ELL2: variants seen among roughly 807,000 people sequenced by gnomAD.
ELL2 encodes elongation factor for RNA polymerase II 2.
In ELL2, 21 loss-of-function variants were observed where a neutral mutation model predicts 72.8. The ratio of observed to expected loss-of-function variants is 0.29; its 90% CI spans 0.20 to 0.42. The LOEUF is 0.42. Ranked by LOEUF, ELL2 falls within the 10% of genes least tolerant of loss-of-function variation. The probability of loss-of-function intolerance (pLI) is 1.00; values close to 1 mark genes in which losing one functional copy is unlikely to be tolerated. For missense variants in ELL2, 568 were observed against 772.8 expected, an observed-to-expected ratio of 0.73 and a Z score of 3.14; for synonymous variants, 266 against 283.2, an observed-to-expected ratio of 0.94 and a Z score of 0.61.
chr5:95,931,067 A>C (rs1750581921), intron 2 of ELL2, among the ~76,000 whole-genome samples: 1 of 151,758 alleles, frequency 6.6e-6, no homozygotes, highest in African/African-American at 2.4e-5. Context: ...TTTGAGAAGA[A>C]AGTGAAAACT....
intron 4 of ELL2, among the ~76,000 whole-genome samples, chr5:95,912,211 A>AT (rs1410138158): frequency 6.6e-6 from 1 of 152,192 alleles, no homozygotes; most frequent in Non-Finnish European, 1.5e-5. Flanking sequence ...AACAAACAAA[A>AT]ACACATGAAC....
Position 95,891,083 on chromosome 5 carries a change from C to G in ELL2, c.1761+20G>C. The G allele has an allele frequency of 6.2e-7, 1 of 1,614,058 alleles. No homozygotes were observed. Among genetic ancestry groups the G allele is most frequent in the South Asian group, 1.1e-5 (1 of 91,070 alleles). On this transcript the variant is annotated intron_variant, in intron 10 of 11. Coordinates refer to ENST00000237853, the MANE Select transcript of ELL2 (RefSeq NM_012081.6). ...AGGTAAAATATGAAAGTCAGCCCAT[C>G]TAGTTACAAATCCATTTACCTGATA...
chr5:95,891,159 ATCT>A lies in ELL2; in HGVS notation c.1702_1704del (p.Arg568del), dbSNP rs1748647598. On this transcript the variant is annotated inframe_deletion, in exon 10 of 12. Coordinates refer to ENST00000237853, the MANE Select transcript of ELL2 (RefSeq NM_012081.6). ...TTTCTTTGTGCATCTAGTTTGATAA[ATCT>A]TCTAGCTACAGTCTCCATCCTGGCA... is the stretch of plus-strand genomic sequence containing the variant. 6.2e-7 allele frequency: 1 copy of A among 1,614,036 alleles called. No homozygotes were observed. Among genetic ancestry groups the A allele is most frequent in the Admixed American group, 1.7e-5 (1 of 59,998 alleles).
chr5:95,911,815 G>T (rs1478282455), intron 4 of ELL2, among the ~76,000 whole-genome samples: 3 of 152,166 alleles, frequency 2.0e-5, no homozygotes, highest in Non-Finnish European at 2.9e-5. Context: ...GGCTGAGGAG[G>T]TTAAGAAAAG....
chr5:95,920,930 G>T (rs2112312920), intron 2 of ELL2, among the ~76,000 whole-genome samples: 1 of 152,226 alleles, frequency 6.6e-6, no homozygotes, highest in South Asian at 2.1e-4. Context: ...GCACTAACTT[G>T]CTGCTTAGCG....
At position 95,927,424 on chromosome 5, in the gene ELL2, TACACACACAC is replaced by T. The variant is rs1750354972; in HGVS notation, c.196-7889_196-7880del. On this transcript the variant is annotated intron_variant, in intron 2 of 11. Coordinates refer to ENST00000237853, the MANE Select transcript of ELL2 (RefSeq NM_012081.6). Reference sequence around the variant, plus strand: ...ATACACACACGTGTGTATATAGACATACACACACACGTGTGTATATAGACATACACACACA... The same window carrying T: ...ATACACACACGTGTGTATATAGACATGTGTGTATATAGACATACACACACA... Among the ~76,000 whole-genome samples, 12 of 37,276 alleles carry T rather than the reference TACACACACAC, an allele frequency of 3.2e-4. 1 individual carries two copies. The highest frequency in any genetic ancestry group is 4.5e-4 in the Non-Finnish European group (10 of 22,232). The allele number at this position is 37,276 out of a possible 152,430, so 24.5% of individuals were successfully genotyped here. A position where few individuals can be genotyped will look rare whatever the true frequency, so the allele number is the denominator to read the frequency against.
chr5:95,946,874 G>C (rs1193309567), intron 1 of ELL2, among the ~76,000 whole-genome samples: 2 of 152,140 alleles, frequency 1.3e-5, no homozygotes, highest in Non-Finnish European at 2.9e-5. Flanking sequence ...ATGTTTCAAT[G>C]TCTTCAAAGA....
intron 7 of ELL2, 39 bp from the exon 8 acceptor site, chr5:95,898,849 C>G: frequency 6.9e-7 from 1 of 1,443,668 alleles, no homozygotes; most frequent in Non-Finnish European, 9.2e-7. Flanking sequence ...CCAGTTTGCA[C>G]TAAAATTAAA....
intron 2 of ELL2, among the ~76,000 whole-genome samples, chr5:95,941,062 G>A (rs931423219): frequency 1.3e-5 from 2 of 152,108 alleles, no homozygotes; most frequent in Admixed American, 6.6e-5. Flanking sequence ...TGAAAAGAGT[G>A]GGGGGTTGAG....
In ELL2 at chr5:95,887,020, T is replaced by TTAAG. The variant is rs1382791223; in HGVS notation, c.*1847_*1850dup. 1 of 152,162 alleles carries TTAAG rather than the reference T, an allele frequency of 6.6e-6. No homozygotes were observed. Among genetic ancestry groups the TTAAG allele is most frequent in the Non-Finnish European group, 1.5e-5 (1 of 68,030 alleles). 9.4% of individuals were successfully genotyped at this position (152,162 alleles called of 1,614,324 possible). A position where few individuals can be genotyped will look rare whatever the true frequency, so the allele number is the denominator to read the frequency against. On this transcript the variant is annotated 3_prime_UTR_variant, in exon 12 of 12. Coordinates refer to ENST00000237853, the MANE Select transcript of ELL2 (RefSeq NM_012081.6). The stretch of plus-strand genomic sequence containing the variant: ...ATATGATGCCTGAATTTATCCCCAA[T>TTAAG]TAAGTTTCCCTTTCCTTTTTTCAAT...
intron 2 of ELL2, chr5:95,932,735 CA>C (rs1750642059): frequency 6.6e-6 from 1 of 151,980 alleles, no homozygotes; most frequent in African/African-American, 2.4e-5. Context: ...GGTAGAAATT[CA>C]AAAGCACTAA....
At chr5:95,936,756 C>T (rs1270410049) in intron 2 of ELL2, among the ~76,000 whole-genome samples, 1 of 152,064 alleles carries the variant, frequency 6.6e-6, no homozygotes, top group Non-Finnish European at 1.5e-5. Context: ...TTTAAGGGAC[C>T]ACAAAGTATC....
intron 2 of ELL2, among the ~76,000 whole-genome samples, chr5:95,936,906 A>G (rs1323232639): frequency 6.6e-6 from 1 of 152,200 alleles, no homozygotes; most frequent in Non-Finnish European, 1.5e-5. Flanking sequence ...ATTAGTGACA[A>G]ATTTTATCGA....
chr5:95,953,755 T>C (rs996467117), intron 1 of ELL2, among the ~76,000 whole-genome samples: 1 of 152,172 alleles, frequency 6.6e-6, no homozygotes, highest in Non-Finnish European at 1.5e-5. Flanking sequence ...ATAGAGGTAA[T>C]GTGAGGTAAT....
chr5:95,888,770 C>G lies in ELL2; in HGVS notation c.*101G>C, dbSNP rs192690954. On this transcript the variant is annotated 3_prime_UTR_variant, in exon 12 of 12. Coordinates refer to ENST00000237853, the MANE Select transcript of ELL2 (RefSeq NM_012081.6). ...TCAAGTTTACTAATACTGAAACTTT[C>G]AACAGCCAAAGTTTCACCTTTTTAG... 1 of 811,526 alleles carries G rather than the reference C, an allele frequency of 1.2e-6. No individual in the cohort carries two copies. The highest frequency in any genetic ancestry group is 1.8e-6 in the Non-Finnish European group (1 of 546,214). 50.3% of individuals were successfully genotyped at this position (811,526 alleles called of 1,614,324 possible). A position where few individuals can be genotyped will look rare whatever the true frequency, so the allele number is the denominator to read the frequency against.
At position 95,919,468 on chromosome 5, in the gene ELL2, G is replaced by A. The variant is rs1253973222; in HGVS notation, c.273C>T (p.Asp91=). Residue 91 remains aspartate (D), a synonymous_variant, in exon 3 of 12, where the codon GAC becomes GAT. Coordinates refer to ENST00000237853, the MANE Select transcript of ELL2 (RefSeq NM_012081.6). ...FNFYLSNVGK[D]NPQGSFDCIQ... ...TGCAGTCAAAGCTGCCCTGAGGGTT[G>A]TCTTTGCCCACATTTGACAAATAAA... The A allele has an allele frequency of 3.8e-6, 6 of 1,597,150 alleles. No homozygotes were observed. Among genetic ancestry groups the A allele is most frequent in the Non-Finnish European group, 5.1e-6 (6 of 1,174,612 alleles).
Position 95,892,438 on chromosome 5 carries a change from C to T in ELL2, c.1590-1164G>A, listed in dbSNP as rs550142638. 4.6e-5 allele frequency among the ~76,000 whole-genome samples: 7 copies of T among 152,306 alleles called. No homozygotes were observed. In the South Asian group the frequency reaches 1.0e-3, roughly 23 times the overall value. On this transcript the variant is annotated intron_variant, in intron 9 of 11. Coordinates refer to ENST00000237853, the MANE Select transcript of ELL2 (RefSeq NM_012081.6). Reference sequence around the variant, plus strand: ...CTAGGATTATAGGCGTGAGCCACTGCGCCTGGCCTATTACATATTACAGTA... The same window carrying T: ...CTAGGATTATAGGCGTGAGCCACTGTGCCTGGCCTATTACATATTACAGTA...
chr5:95,907,041 C>T (rs1297518671), intron 4 of ELL2, among the ~76,000 whole-genome samples: 1 of 151,974 alleles, frequency 6.6e-6, no homozygotes, highest in Non-Finnish European at 1.5e-5. Context: ...CATTTTGCTA[C>T]AGAAAGATAA....
Position 95,959,737 on chromosome 5 carries a change from C to G in ELL2, c.147+1838G>C, listed in dbSNP as rs191197265. On this transcript the variant is annotated intron_variant, in intron 1 of 11. Coordinates refer to ENST00000237853, the MANE Select transcript of ELL2 (RefSeq NM_012081.6). Reference sequence around the variant, plus strand: ...CCTTTCTCCCTGTGCATGCACTCCTCCCTGACGCCCCCTCACCCCACCACA... The same window carrying G: ...CCTTTCTCCCTGTGCATGCACTCCTGCCTGACGCCCCCTCACCCCACCACA... Among the ~76,000 whole-genome samples the G allele has an allele frequency of 4.6e-5, 7 of 152,324 alleles. No individual in the cohort carries two copies. The East Asian group carries it at 9.6e-4, about 21-fold the overall frequency.
Sources: allele counts gnomAD v4.1 joint callset (sites outside exome capture counted in the v4.1 genomes callset), GRCh38; gene constraint gnomAD v4.1.1; transcripts MANE v1.5; gene names NCBI Gene and HGNC (gene_info 2026-07-23, HGNC 2026-07-21).